TMEM47: variants seen among roughly 807,000 people sequenced by gnomAD.
The protein encoded by TMEM47 is brain cell membrane protein 1.
A neutral mutation model predicts 12.4 loss-of-function variants in TMEM47; 3 were observed. That is an observed-to-expected ratio of 0.24 (90% CI 0.11 to 0.63). The LOEUF (loss-of-function observed/expected upper bound fraction) is 0.63, where lower values mean the gene tolerates loss of function less well. Among genes scored for constraint, TMEM47 ranks in the 20% least tolerant of loss-of-function variants. The pLI, the probability that TMEM47 is intolerant of heterozygous loss-of-function variation, is 0.86. For synonymous variants in TMEM47, 62 were observed against 63.3 expected (o/e 0.98, Z 0.10); for missense variants, 89 against 143.8 (o/e 0.62, Z 1.95).
Position 34,656,932 on chromosome X carries a change from A to T in TMEM47, c.98T>A (p.Leu33Gln). The change falls in exon 1 of 3, where the codon CTG becomes CAG. Residue 33 changes from leucine (L) to glutamine (Q), a missense_variant. Leu to Gln is a moderately radical substitution (Grantham distance 113, BLOSUM62 -2). Coordinates refer to ENST00000275954, the MANE Select transcript of TMEM47 (RefSeq NM_031442.4). ...CGGGCTCAGCACCGCCCCCAGGTCC[A>T]GACACAGCGCCAGGAAGATGCACAC... ...GLVCIFLALC[L>Q]DLGAVLSPAW... is the part of the protein sequence containing the mutation. The T allele has an allele frequency of 2.5e-6, 3 of 1,186,649 alleles. No individual in the cohort carries two copies. The highest frequency in any genetic ancestry group is 3.4e-6 in the Non-Finnish European group (3 of 882,978).
intron 1 of TMEM47, among the ~76,000 whole-genome samples, chrX:34,644,848 C>T (rs1921881908): frequency 8.9e-6 from 1 of 111,752 alleles, no homozygotes; most frequent in Admixed American, 9.6e-5. Flanking sequence ...TTTTAAATCA[C>T]ACTCACATTT....
At chrX:34,643,790 T>C (rs1375808554) in intron 1 of TMEM47, among the ~76,000 whole-genome samples, 2 of 111,546 alleles carry the variant, frequency 1.8e-5, no homozygotes, top group Admixed American at 9.5e-5. Flanking sequence ...CGCCAGCTGA[T>C]TGGAAACCTG....
In TMEM47 at chrX:34,630,067, T is replaced by C; in HGVS notation, c.*246A>G. 3.4e-6 allele frequency: 1 copy of C among 291,012 alleles called. No individual in the cohort carries two copies. Among genetic ancestry groups the C allele is most frequent in the East Asian group, 5.0e-5 (1 of 19,931 alleles). The allele number at this position is 291,012 out of a possible 1,213,427, so 24.0% of individuals were successfully genotyped here. A position where few individuals can be genotyped will look rare whatever the true frequency, so the allele number is the denominator to read the frequency against. On this transcript the variant is annotated 3_prime_UTR_variant, in exon 3 of 3. Transcript: ENST00000275954. ...ACCCTTCATTTGTCAAGAAAAACGA[T>C]ATGAACATATTGGAAGTTTGCAGCA...
chrX:34,653,052 C>T (rs1402753588), intron 1 of TMEM47, among the ~76,000 whole-genome samples: 1 of 111,984 alleles, frequency 8.9e-6, no homozygotes, highest in African/African-American at 3.2e-5. Context: ...ATCACTATAT[C>T]TCAGATTTGC....
chrX:34,631,933 T>C (rs1482769223), intron 2 of TMEM47, among the ~76,000 whole-genome samples: 2 of 111,741 alleles, frequency 1.8e-5, no homozygotes, highest in African/African-American at 6.5e-5. Flanking sequence ...AAATAGACAA[T>C]CTTTTTCCCT....
intron 2 of TMEM47, among the ~76,000 whole-genome samples, chrX:34,631,308 GTGAT>G (rs1921620182): frequency 9.2e-6 from 1 of 109,091 alleles, no homozygotes; most frequent in Admixed American, 9.9e-5. Flanking sequence ...CATCCTGTGA[GTGAT>G]AATGTGCTTT....
rs1048493453 is a variant in TMEM47 at position 34,628,126 on chromosome X, C to G, written c.*2187G>C. On this transcript the variant is annotated 3_prime_UTR_variant, in exon 3 of 3. Coordinates refer to ENST00000275954, the MANE Select transcript of TMEM47 (RefSeq NM_031442.4). ...ATATTGGTTTAACAGTACACTGCATCCTCTACTAGGACCAAGAGAAGTGCC... is the reference window on the plus strand; with the variant it reads ...ATATTGGTTTAACAGTACACTGCATGCTCTACTAGGACCAAGAGAAGTGCC... 4 of 111,754 alleles carry G rather than the reference C, an allele frequency of 3.6e-5. No homozygotes were observed. The highest frequency in any genetic ancestry group is 2.8e-4 in the East Asian group (1 of 3,530). 9.2% of individuals were successfully genotyped at this position (111,754 alleles called of 1,213,427 possible). A position where few individuals can be genotyped will look rare whatever the true frequency, so the allele number is the denominator to read the frequency against.
rs746610576 is a variant in TMEM47, at chrX:34,639,350, G to A, written c.264C>T (p.Gly88=). The change falls in exon 2 of 3, where the codon GGC becomes GGT. Residue 88 remains glycine, a synonymous_variant. Coordinates refer to ENST00000275954, the MANE Select transcript of TMEM47 (RefSeq NM_031442.4). ...QIATLALLLG[G]AAIILIAFLV... Reference sequence around the variant, plus strand: ...GGAATGCAATGAGAATGATGGCAGCGCCGCCCAGGAGTAAAGCCAGAGTAG... The same window carrying A: ...GGAATGCAATGAGAATGATGGCAGCACCGCCCAGGAGTAAAGCCAGAGTAG... The A allele has an allele frequency of 2.1e-5, 25 of 1,206,470 alleles. No individual in the cohort carries two copies. Among genetic ancestry groups the A allele is most frequent in the African/African-American group, 1.4e-4 (8 of 56,880 alleles).
intron 2 of TMEM47, among the ~76,000 whole-genome samples, chrX:34,634,751 G>A (rs1420958733): frequency 1.8e-5 from 2 of 112,037 alleles, no homozygotes; most frequent in Admixed American, 1.9e-4. Context: ...ATGAAAGGTG[G>A]TCAGAAGAGG....
At chrX:34,654,653 C>T (rs1426622316) in intron 1 of TMEM47, among the ~76,000 whole-genome samples, 3 of 111,735 alleles carry the variant, frequency 2.7e-5, no homozygotes, top group Non-Finnish European at 5.6e-5. Flanking sequence ...TCCTCCACCC[C>T]CGCCCTGTGT....
intron 1 of TMEM47, among the ~76,000 whole-genome samples, chrX:34,643,456 C>A (rs1307918712): frequency 9.0e-6 from 1 of 111,671 alleles, no homozygotes; most frequent in Non-Finnish European, 1.9e-5. Flanking sequence ...TCAGTGTTTG[C>A]AAAACAAATT....
rs1921585187 is a variant in TMEM47, at chrX:34,630,085, T to C, written c.*228A>G. The C allele has an allele frequency of 3.2e-6, 1 of 316,303 alleles. No homozygotes were observed. The highest frequency in any genetic ancestry group is 1.2e-4 in the South Asian group (1 of 8,177). 26.1% of individuals were successfully genotyped at this position (316,303 alleles called of 1,213,427 possible). A position where few individuals can be genotyped will look rare whatever the true frequency, so the allele number is the denominator to read the frequency against. On this transcript the variant is annotated 3_prime_UTR_variant, in exon 3 of 3. Coordinates refer to ENST00000275954, the MANE Select transcript of TMEM47 (RefSeq NM_031442.4). The stretch of plus-strand genomic sequence containing the variant: ...AAAACGATATGAACATATTGGAAGT[T>C]TGCAGCATTTGCCTATGTCTAATCA...
chrX:34,647,605 A>AAACT, intron 1 of TMEM47, among the ~76,000 whole-genome samples: 1 of 111,760 alleles, frequency 8.9e-6, no homozygotes, highest in Admixed American at 9.5e-5. Flanking sequence ...AATCACACAC[A>AAACT]AACTTAGGAG....
intron 1 of TMEM47, among the ~76,000 whole-genome samples, chrX:34,640,363 G>A (rs761749659): frequency 2.7e-5 from 3 of 111,912 alleles, no homozygotes; most frequent in South Asian, 7.4e-4. Flanking sequence ...AAACCTTATT[G>A]AAATGCATTC....
rs990078793 is a variant in TMEM47, at chrX:34,629,107, A to G, written c.*1206T>C. On this transcript the variant is annotated 3_prime_UTR_variant, in exon 3 of 3. Coordinates refer to ENST00000275954, the MANE Select transcript of TMEM47 (RefSeq NM_031442.4). ...CTATCGCTATTCCTTTCTTAAAAAA[A>G]TGAAGACATTTAAAATACTTGCAAA... is the stretch of plus-strand genomic sequence containing the variant. The G allele has an allele frequency of 1.8e-5, 2 of 111,956 alleles. No homozygotes were observed. The highest frequency in any genetic ancestry group is 7.3e-4 in the South Asian group (2 of 2,737). The allele number at this position is 111,956 out of a possible 1,213,427, so 9.2% of individuals were successfully genotyped here. A position where few individuals can be genotyped will look rare whatever the true frequency, so the allele number is the denominator to read the frequency against.
At chrX:34,651,637 C>T (rs948523602) in intron 1 of TMEM47, among the ~76,000 whole-genome samples, 4 of 112,012 alleles carry the variant, frequency 3.6e-5, no homozygotes, top group Non-Finnish European at 7.5e-5. Flanking sequence ...TGGTAAGAAT[C>T]CATCTTTACC....
At chrX:34,634,779 G>A (rs942371717) in intron 2 of TMEM47, among the ~76,000 whole-genome samples, 7 of 111,895 alleles carry the variant, frequency 6.3e-5, no homozygotes, top group Admixed American at 9.5e-5. Context: ...AAGAAAAGAC[G>A]TCTAGGAAGA....
At chrX:34,638,849 G>T (rs780271195) in intron 2 of TMEM47, among the ~76,000 whole-genome samples, 1 of 111,814 alleles carries the variant, frequency 8.9e-6, no homozygotes, top group South Asian at 3.7e-4. Context: ...ATCTTTAAGG[G>T]TAAACATTTT....
rs932356907 is a variant in TMEM47 at position 34,628,096 on chromosome X, T to G, written c.*2217A>C. ...TGAAAACTTGATAAGACTCGAGATG[T>G]GATGATATTGGTTTAACAGTACACT... On this transcript the variant is annotated 3_prime_UTR_variant, in exon 3 of 3. Transcript: ENST00000275954. 1 of 111,871 alleles carries G rather than the reference T, an allele frequency of 8.9e-6. No individual in the cohort carries two copies. Among genetic ancestry groups the G allele is most frequent in the Non-Finnish European group, 1.9e-5 (1 of 53,014 alleles). The allele number at this position is 111,871 out of a possible 1,213,427, so 9.2% of individuals were successfully genotyped here.
Sources: gnomAD v4.1 joint callset for allele counts (sites outside exome capture counted in the v4.1 genomes callset) on GRCh38, gnomAD v4.1.1 for gene constraint, MANE v1.5 for transcripts, NCBI Gene and HGNC (gene_info 2026-07-23, HGNC 2026-07-21) for gene names.